Variants in DNAAF9 observed in about 807,000 individuals in gnomAD.
DNAAF9 encodes the protein shulin.
DNAAF9 carries 90 observed loss-of-function variants against 167.0 expected under a neutral mutation model. The observed-to-expected ratio is 0.54, with a 90% confidence interval of 0.45 to 0.64. DNAAF9 has a LOEUF of 0.64. Ranked by LOEUF, DNAAF9 falls within the 30% of genes least tolerant of loss-of-function variation. The pLI, the probability that DNAAF9 is intolerant of heterozygous loss-of-function variation, is 0.00. For synonymous variants in DNAAF9, 491 were observed against 508.8 expected (o/e 0.96, Z 0.47); for missense variants, 1,315 against 1,442.2 (o/e 0.91, Z 1.43).
At chr20:3,273,266 T>C (rs941469977) in intron 29 of DNAAF9, among the ~76,000 whole-genome samples, 1 of 152,196 alleles carries the variant, frequency 6.6e-6, no homozygotes. Context: ...ACTGATACTA[T>C]TTACTTCAGT....
chr20:3,330,691 G>C lies in DNAAF9; in HGVS notation c.1064-9C>G, dbSNP rs753601525. The C allele has an allele frequency of 1.3e-5, 20 of 1,573,704 alleles. No homozygotes were observed. Among genetic ancestry groups the C allele is most frequent in the Non-Finnish European group, 1.7e-5 (20 of 1,145,830 alleles). ...CAGCTTGCTGTCACCACCTGTGAAAGAGGCCCACTAAGAATGTGACAAGAG... is the reference window on the plus strand; with the variant it reads ...CAGCTTGCTGTCACCACCTGTGAAACAGGCCCACTAAGAATGTGACAAGAG... On this transcript the variant is annotated splice_polypyrimidine_tract_variant and intron_variant, in intron 11 of 36. Coordinates refer to ENST00000252032, the MANE Select transcript of DNAAF9 (RefSeq NM_001009984.3).
At chr20:3,396,863 G>A (rs866519283) in intron 1 of DNAAF9, among the ~76,000 whole-genome samples, 21 of 152,306 alleles carry the variant, frequency 1.4e-4, no homozygotes, top group Admixed American at 9.2e-4. Flanking sequence ...TCAAAAAGAG[G>A]TATGACATAC....
chr20:3,392,098 C>T lies in DNAAF9; in HGVS notation c.84-9592G>A, dbSNP rs138042156. Among the ~76,000 whole-genome samples, 6 of 152,222 alleles carry T rather than the reference C, an allele frequency of 3.9e-5. No homozygotes were observed. The East Asian group carries it at 9.7e-4, about 24-fold the overall frequency. On this transcript the variant is annotated intron_variant, in intron 1 of 36. Coordinates refer to ENST00000252032, the MANE Select transcript of DNAAF9 (RefSeq NM_001009984.3). ...TTGAGGTGGGGGGATCACTTGAGCC[C>T]AGGAGTTCCAGGCTGCATTGATTGC...
chr20:3,398,028 C>G (rs918038268), intron 1 of DNAAF9, among the ~76,000 whole-genome samples: 7 of 152,100 alleles, frequency 4.6e-5, no homozygotes, highest in Non-Finnish European at 8.8e-5. Flanking sequence ...ATCCTGTGAC[C>G]CTCCCAAGCC....
intron 21 of DNAAF9, among the ~76,000 whole-genome samples, chr20:3,301,201 T>G (rs2069182281): frequency 6.6e-6 from 1 of 151,634 alleles, no homozygotes; most frequent in East Asian, 1.9e-4. Flanking sequence ...TTTTTTCTTT[T>G]TTTGAGATGG....
At chr20:3,362,096 C>T in intron 6 of DNAAF9, 1 of 1,397,928 alleles carries the variant, frequency 7.2e-7, no homozygotes. Context: ...GGGGGTGCTT[C>T]TGAGTATTTA....
chr20:3,401,315 C>T (rs1379605972), intron 1 of DNAAF9, among the ~76,000 whole-genome samples: 1 of 152,132 alleles, frequency 6.6e-6, no homozygotes, highest in Admixed American at 6.5e-5. Context: ...AAGCAATTCT[C>T]CTGCCTCAGC....
intron 26 of DNAAF9, 112 bp downstream of exon 26, chr20:3,290,017 C>T: frequency 1.4e-6 from 1 of 718,450 alleles, no homozygotes; most frequent in Non-Finnish European, 2.6e-6. Flanking sequence ...TGGCTGACTA[C>T]CATGCTGATA....
At chr20:3,268,897 CTT>C (rs386393120) in intron 30 of DNAAF9, among the ~76,000 whole-genome samples, 127 of 85,820 alleles carry the variant, frequency 1.5e-3, no homozygotes, top group African/African-American at 2.9e-3. Flanking sequence ...CTCTATGTTA[CTT>C]TTTTTTTTTT....
chr20:3,406,557 C>T (rs1333591059), intron 1 of DNAAF9, among the ~76,000 whole-genome samples: 1 of 152,158 alleles, frequency 6.6e-6, no homozygotes, highest in African/African-American at 2.4e-5. Flanking sequence ...CCAGCTCCAT[C>T]ACAAACAATG....
chr20:3,404,780 C>G (rs1292600264), intron 1 of DNAAF9, among the ~76,000 whole-genome samples: 4 of 152,174 alleles, frequency 2.6e-5, no homozygotes, highest in Non-Finnish European at 5.9e-5. Flanking sequence ...ACAGATCGCT[C>G]TACAGAAAAA....
At chr20:3,322,935 G>C (rs2069642436) in intron 14 of DNAAF9, among the ~76,000 whole-genome samples, 1 of 151,872 alleles carries the variant, frequency 6.6e-6, no homozygotes, top group Non-Finnish European at 1.5e-5. Context: ...GGACGGTCTT[G>C]ACTCTTGGAC....
intron 20 of DNAAF9, chr20:3,306,970 G>C: frequency 1.0e-6 from 1 of 985,268 alleles, no homozygotes; most frequent in Non-Finnish European, 1.2e-6. Flanking sequence ...ACCCTTCCCT[G>C]TCCTGGGTAT....
At chr20:3,294,741 C>T (rs908211362) in intron 23 of DNAAF9, 112 bp from the exon 24 acceptor site, 7 of 672,612 alleles carry the variant, frequency 1.0e-5, no homozygotes, top group South Asian at 7.1e-5. Context: ...GTCAACTCTT[C>T]CAAAACACAC....
intron 1 of DNAAF9, among the ~76,000 whole-genome samples, chr20:3,395,014 C>T (rs1201277464): frequency 1.7e-5 from 2 of 119,682 alleles, no homozygotes; most frequent in Non-Finnish European, 1.6e-5. Context: ...GTCGCCCAGG[C>T]TGGAGTGCAG....
At chr20:3,379,985 G>C (rs6037583) in intron 3 of DNAAF9, among the ~76,000 whole-genome samples, 171 of 152,266 alleles carry the variant, frequency 1.1e-3, no homozygotes, top group Non-Finnish European at 2.1e-3. Flanking sequence ...GAACCCAGGA[G>C]GTGGAGGATG....
At chr20:3,375,888 T>A (rs1036631277) in intron 4 of DNAAF9, among the ~76,000 whole-genome samples, 1 of 151,832 alleles carries the variant, frequency 6.6e-6, no homozygotes, top group Non-Finnish European at 1.5e-5. Flanking sequence ...TAGGCACTAA[T>A]CCCCTAAGAG....
At position 3,316,738 on chromosome 20, in the gene DNAAF9, T is replaced by C; in HGVS notation, c.1524A>G (p.Arg508=). Residue 508 remains arginine, a synonymous_variant, in exon 18 of 37, where the codon AGA becomes AGG. Coordinates refer to ENST00000252032, the MANE Select transcript of DNAAF9 (RefSeq NM_001009984.3). Reference sequence around the variant, plus strand: ...TGACACTAACCAGCCAGGAGCAGAATCTGGGTACAGCAGCAGTCAGGACTA... The same window carrying C: ...TGACACTAACCAGCCAGGAGCAGAACCTGGGTACAGCAGCAGTCAGGACTA... The part of the protein sequence containing the change: ...SSVVLTAAVP[R]FCSWLVEDNE... 13 of 1,613,514 alleles carry C rather than the reference T, an allele frequency of 8.1e-6. No individual in the cohort carries two copies. Among genetic ancestry groups the C allele is most frequent in the Non-Finnish European group, 9.3e-6 (11 of 1,179,552 alleles).
chr20:3,322,280 T>A lies in DNAAF9; in HGVS notation c.1311-18A>T. ...GTACAATTCTAGGAGGGGAAAGAGA[T>A]GGAAGACTATGTTAAAGAGTTTTTA... On this transcript the variant is annotated intron_variant, in intron 15 of 36. Transcript: ENST00000252032. The A allele has an allele frequency of 6.3e-7, 1 of 1,583,354 alleles. No individual in the cohort carries two copies. The highest frequency in any genetic ancestry group is 8.7e-7 in the Non-Finnish European group (1 of 1,153,550).
Sources: allele counts gnomAD v4.1 joint callset (sites outside exome capture counted in the v4.1 genomes callset), GRCh38; gene constraint gnomAD v4.1.1; transcripts MANE v1.5; gene names NCBI Gene and HGNC (gene_info 2026-07-23, HGNC 2026-07-21).